KCTD16: variants seen among roughly 807,000 people sequenced by gnomAD.
The protein encoded by KCTD16 is BTB/POZ domain-containing protein KCTD16.
KCTD16 carries 13 observed loss-of-function variants against 33.2 expected under a neutral mutation model. The ratio of observed to expected loss-of-function variants is 0.39; its 90% confidence interval spans 0.25 to 0.62. KCTD16 has a LOEUF of 0.62. KCTD16 is among the 20% of genes least tolerant of loss of function. KCTD16 has a pLI of 0.50. For synonymous variants in KCTD16, 197 were observed against 195.3 expected (o/e 1.01, Z -0.07); for missense variants, 441 against 525.1 (o/e 0.84, Z 1.57).
At chr5:144,224,437 T>G (rs1208652190) in intron 3 of KCTD16, among the ~76,000 whole-genome samples, 1 of 146,648 alleles carries the variant, frequency 6.8e-6, no homozygotes, top group African/African-American at 2.5e-5. Context: ...TGGTAAAATA[T>G]CTGGTTAAAA....
intron 3 of KCTD16, among the ~76,000 whole-genome samples, chr5:144,368,047 T>G (rs927163810): frequency 6.6e-6 from 1 of 152,032 alleles, no homozygotes; most frequent in Admixed American, 6.6e-5. Context: ...CGTTATTCTG[T>G]TTTTGAACTC....
chr5:144,366,781 G>C (rs920800497), intron 3 of KCTD16, among the ~76,000 whole-genome samples: 1 of 152,140 alleles, frequency 6.6e-6, no homozygotes, highest in African/African-American at 2.4e-5. Flanking sequence ...CACCTCAAAG[G>C]CTACTCAACA....
intron 2 of KCTD16, among the ~76,000 whole-genome samples, chr5:144,196,247 A>G (rs1447062914): frequency 6.6e-6 from 1 of 152,008 alleles, no homozygotes; most frequent in Non-Finnish European, 1.5e-5. Context: ...TCTGCAGGTG[A>G]TCTTATTTTT....
intron 3 of KCTD16, among the ~76,000 whole-genome samples, chr5:144,341,491 C>T (rs1368853373): frequency 6.6e-6 from 1 of 152,200 alleles, no homozygotes; most frequent in Admixed American, 6.5e-5. Flanking sequence ...CAAAAACCCT[C>T]AGATTCACAG....
intron 3 of KCTD16, among the ~76,000 whole-genome samples, chr5:144,417,457 A>C (rs1378734071): frequency 6.6e-6 from 1 of 152,124 alleles, no homozygotes; most frequent in East Asian, 1.9e-4. Flanking sequence ...GCTCATTTTT[A>C]AACTGAGTTT....
In KCTD16 at chr5:144,473,964, C is replaced by T; in HGVS notation, c.1137C>T (p.Ser379=). The change falls in exon 4 of 4, where the codon AGC becomes AGT. Residue 379 remains serine (S), a synonymous_variant. Coordinates refer to ENST00000512467, the MANE Select transcript of KCTD16 (RefSeq NM_020768.4). ...CAGGCTCCAGGGAATCGAACATGAG[C>T]AGCAAAAAAAAAGCTGTTAAAGAAA... is the stretch of plus-strand genomic sequence containing the variant. The part of the protein sequence containing the change: ...LTSGSRESNM[S]SKKKAVKEKL... 1 of 1,612,992 alleles carries T rather than the reference C, an allele frequency of 6.2e-7. No individual in the cohort carries two copies. Among genetic ancestry groups the T allele is most frequent in the Non-Finnish European group, 8.5e-7 (1 of 1,179,696 alleles).
intron 2 of KCTD16, chr5:144,205,271 C>T: frequency 9.1e-6 from 3 of 328,676 alleles, no homozygotes; most frequent in Non-Finnish European, 1.6e-5. Flanking sequence ...TCCTGGCAAC[C>T]TGTCACCGAG....
At chr5:144,254,663 CTT>C (rs1430237430) in intron 3 of KCTD16, among the ~76,000 whole-genome samples, 1 of 152,168 alleles carries the variant, frequency 6.6e-6, no homozygotes, top group African/African-American at 2.4e-5. Flanking sequence ...TGGTTAATAA[CTT>C]TTAATTTCCC....
chr5:144,449,145 T>A (rs1753886313), intron 3 of KCTD16, among the ~76,000 whole-genome samples: 1 of 152,058 alleles, frequency 6.6e-6, no homozygotes, highest in South Asian at 2.1e-4. Context: ...TAGAGAGTAC[T>A]CCTCTAAGAG....
chr5:144,296,665 G>A (rs945843614), intron 3 of KCTD16, among the ~76,000 whole-genome samples: 3 of 151,958 alleles, frequency 2.0e-5, no homozygotes, highest in Non-Finnish European at 4.4e-5. Context: ...TCATCCTCTG[G>A]AGCATTTGGG....
intron 3 of KCTD16, among the ~76,000 whole-genome samples, chr5:144,394,448 T>A (rs776109782): frequency 6.6e-6 from 1 of 152,242 alleles, no homozygotes; most frequent in Non-Finnish European, 1.5e-5. Flanking sequence ...TGAATCATTG[T>A]GTTGCCATAG....
intron 3 of KCTD16, among the ~76,000 whole-genome samples, chr5:144,313,502 G>A (rs1439441558): frequency 3.9e-5 from 6 of 152,190 alleles, no homozygotes; most frequent in African/African-American, 1.4e-4. Flanking sequence ...TTATCAGAGA[G>A]TAGATTAAAG....
intron 3 of KCTD16, among the ~76,000 whole-genome samples, chr5:144,354,670 A>G (rs1184277591): frequency 1.3e-5 from 2 of 152,220 alleles, no homozygotes; most frequent in African/African-American, 4.8e-5. Flanking sequence ...CATTTATTGA[A>G]TAAATGATAT....
rs1049458840 is a variant in KCTD16 at position 144,476,713 on chromosome 5, A to G, written c.*2599A>G. The G allele has an allele frequency of 1.3e-5, 2 of 152,104 alleles. No individual in the cohort carries two copies. The highest frequency in any genetic ancestry group is 4.8e-5 in the African/African-American group (2 of 41,436). 9.4% of individuals were successfully genotyped at this position (152,104 alleles called of 1,614,324 possible). Reference sequence around the variant, plus strand: ...GGCTCTGAGGAGGCTTAAAGTACCTAGTTTGAGTGGAGTTATCAAGTGAGG... The same window carrying G: ...GGCTCTGAGGAGGCTTAAAGTACCTGGTTTGAGTGGAGTTATCAAGTGAGG... On this transcript the variant is annotated 3_prime_UTR_variant, in exon 4 of 4. Transcript: ENST00000512467.
At chr5:144,367,136 C>A (rs1751855396) in intron 3 of KCTD16, among the ~76,000 whole-genome samples, 1 of 152,220 alleles carries the variant, frequency 6.6e-6, no homozygotes, top group Non-Finnish European at 1.5e-5. Context: ...CCTGTGTGGC[C>A]TTGCCTCACT....
At chr5:144,203,005 G>A (rs1371851507) in intron 2 of KCTD16, among the ~76,000 whole-genome samples, 2 of 152,074 alleles carry the variant, frequency 1.3e-5, no homozygotes, top group Admixed American at 6.5e-5. Flanking sequence ...AGCCTTTCCT[G>A]AGAGGTTCTG....
At position 144,480,809 on chromosome 5, in the gene KCTD16, A is replaced by G. The variant is rs1754690794; in HGVS notation, c.*6695A>G. 1 of 151,992 alleles carries G rather than the reference A, an allele frequency of 6.6e-6. No homozygotes were observed. Among genetic ancestry groups the G allele is most frequent in the Admixed American group, 6.6e-5 (1 of 15,228 alleles). The allele number at this position is 151,992 out of a possible 1,614,324, so 9.4% of individuals were successfully genotyped here. ...CCAGCCCACAATGTCAATAGTGCTT[A>G]GCTTGAGAAACTCTAAATTAAGCAT... is the stretch of plus-strand genomic sequence containing the variant. On this transcript the variant is annotated 3_prime_UTR_variant, in exon 4 of 4. Transcript: ENST00000512467.
chr5:144,448,558 A>G (rs578124818), intron 3 of KCTD16, among the ~76,000 whole-genome samples: 6 of 152,248 alleles, frequency 3.9e-5, no homozygotes, highest in African/African-American at 1.4e-4. Flanking sequence ...TAGACCTGCC[A>G]CTTTAAAATA....
intron 3 of KCTD16, among the ~76,000 whole-genome samples, chr5:144,239,471 TGAA>T (rs974129557): frequency 1.3e-5 from 2 of 152,082 alleles, no homozygotes; most frequent in African/African-American, 4.8e-5. Context: ...GCATTTGGAG[TGAA>T]GAAGATTCTG....
Sources: gnomAD v4.1 joint callset for allele counts (sites outside exome capture counted in the v4.1 genomes callset) on GRCh38, gnomAD v4.1.1 for gene constraint, MANE v1.5 for transcripts, NCBI Gene and HGNC (gene_info 2026-07-23, HGNC 2026-07-21) for gene names.